ELSPBP1: variants seen among roughly 807,000 people sequenced by gnomAD.
The protein encoded by ELSPBP1 is epididymal sperm binding protein 1, also known as epididymal sperm-binding protein 1.
A neutral mutation model predicts 33.3 loss-of-function variants in ELSPBP1; 38 were observed. The observed-to-expected ratio is 1.14, with a 90% CI of 0.88 to 1.50. The LOEUF (loss-of-function observed/expected upper bound fraction) is 1.50, where lower values mean the gene tolerates loss of function less well. Ranked by LOEUF, ELSPBP1 falls within the 40% of genes most tolerant of loss-of-function variation. The pLI, the probability that ELSPBP1 is intolerant of heterozygous loss-of-function variation, is 0.00. For missense variants in ELSPBP1, 267 were observed against 263.5 expected (o/e 1.01, Z -0.09); for synonymous variants, 85 against 94.1 (o/e 0.90, Z 0.56).
chr19:48,009,759 C>G (rs925102901), intron 2 of ELSPBP1, among the ~76,000 whole-genome samples: 1 of 151,980 alleles, frequency 6.6e-6, no homozygotes, highest in East Asian at 1.9e-4. Context: ...CAAACAAAAT[C>G]CAAACTATCA....
intron 3 of ELSPBP1, among the ~76,000 whole-genome samples, chr19:48,015,020 C>T (rs1967116792): frequency 6.6e-6 from 1 of 151,554 alleles, no homozygotes. Flanking sequence ...CAAAACTTAA[C>T]TACTAATAGC....
intron 6 of ELSPBP1, among the ~76,000 whole-genome samples, chr19:48,024,540 G>A (rs991928283): frequency 1.3e-5 from 2 of 152,018 alleles, no homozygotes; most frequent in Non-Finnish European, 2.9e-5. Context: ...ATTTTGCCTT[G>A]GTAATGAAAA....
At chr19:48,010,160 A>T (rs1967062561) in intron 2 of ELSPBP1, among the ~76,000 whole-genome samples, 1 of 152,212 alleles carries the variant, frequency 6.6e-6, no homozygotes, top group South Asian at 2.1e-4. Flanking sequence ...ACACACAGCC[A>T]TCTCAACCAT....
chr19:48,004,805 C>T (rs1450072377), intron 1 of ELSPBP1, among the ~76,000 whole-genome samples: 1 of 152,244 alleles, frequency 6.6e-6, no homozygotes, highest in African/African-American at 2.4e-5. Flanking sequence ...CCTATGCCTG[C>T]TTTACCCACT....
chr19:48,024,603 A>T (rs1198229287), intron 6 of ELSPBP1, among the ~76,000 whole-genome samples: 2 of 152,186 alleles, frequency 1.3e-5, no homozygotes, highest in Non-Finnish European at 2.9e-5. Context: ...AACTCTGGGC[A>T]CCATCTTAAC....
At chr19:48,022,355 T>G in intron 6 of ELSPBP1, 21 bp downstream of exon 6, 1 of 1,581,654 alleles carries the variant, frequency 6.3e-7, no homozygotes, top group South Asian at 1.2e-5. Flanking sequence ...GGACCAACAG[T>G]GGTCATTTCA....
intron 2 of ELSPBP1, among the ~76,000 whole-genome samples, chr19:48,008,981 C>A (rs150517997): frequency 6.6e-6 from 1 of 151,804 alleles, no homozygotes; most frequent in Non-Finnish European, 1.5e-5. Context: ...ACTAAAAATA[C>A]AAAAATTAGC....
chr19:48,021,705 C>T (rs1031173292), intron 5 of ELSPBP1, among the ~76,000 whole-genome samples: 1 of 152,246 alleles, frequency 6.6e-6, no homozygotes, highest in East Asian at 1.9e-4. Flanking sequence ...CTGCCTCAGC[C>T]TCCCAAAGTG....
intron 1 of ELSPBP1, among the ~76,000 whole-genome samples, chr19:48,001,746 T>A (rs1568403198): frequency 1.3e-5 from 2 of 151,104 alleles, no homozygotes; most frequent in Non-Finnish European, 2.9e-5. Flanking sequence ...TAGATAGGGG[T>A]CTCACTGTGT....
chr19:48,007,533 C>G (rs918479588), intron 1 of ELSPBP1, among the ~76,000 whole-genome samples: 7 of 152,162 alleles, frequency 4.6e-5, no homozygotes, highest in African/African-American at 1.7e-4. Flanking sequence ...AAGTCAAATC[C>G]AGACCACCAA....
At chr19:48,012,709 G>A (rs757761474) in intron 2 of ELSPBP1, among the ~76,000 whole-genome samples, 11 of 152,210 alleles carry the variant, frequency 7.2e-5, no homozygotes, top group Non-Finnish European at 1.3e-4. Context: ...TAAGGACGTC[G>A]AAAGTTGTCC....
In ELSPBP1 at chr19:48,015,894, T is replaced by C; in HGVS notation, c.210T>C (p.Asp70=). The change falls in exon 4 of 7, where the codon GAT becomes GAC. Residue 70 remains aspartate (D), a splice_region_variant and synonymous_variant. Transcript: ENST00000339841. ...NGQWKYCQSE[D]YPRCIFPFIY... ...ACTCACGAACTCTGTTCCTAACAGA[T>C]TACCCACGCTGTATCTTCCCTTTCA... 6.2e-7 allele frequency: 1 copy of C among 1,606,002 alleles called. No homozygotes were observed. Among genetic ancestry groups the C allele is most frequent in the Non-Finnish European group, 8.5e-7 (1 of 1,173,410 alleles).
At chr19:48,001,784 C>T (rs368244326) in intron 1 of ELSPBP1, among the ~76,000 whole-genome samples, 3 of 151,410 alleles carry the variant, frequency 2.0e-5, no homozygotes, top group African/African-American at 7.3e-5. Flanking sequence ...ACCTCCTGGG[C>T]TCAACCAGTC....
chr19:48,024,476 T>C (rs939081865), intron 6 of ELSPBP1, among the ~76,000 whole-genome samples: 1 of 152,162 alleles, frequency 6.6e-6, no homozygotes, highest in African/African-American at 2.4e-5. Context: ...GCAATGTCTG[T>C]CCTTACAATG....
chr19:48,015,790 C>A, intron 3 of ELSPBP1, 103 bp from the exon 4 acceptor site: 2 of 1,102,642 alleles, frequency 1.8e-6, no homozygotes, highest in Non-Finnish European at 2.6e-6. Context: ...TCTTCTGAAC[C>A]TTATGTCTGT....
intron 1 of ELSPBP1, among the ~76,000 whole-genome samples, chr19:48,005,969 T>G (rs1339531729): frequency 6.6e-6 from 1 of 152,070 alleles, no homozygotes; most frequent in Non-Finnish European, 1.5e-5. Context: ...TTTGTTTTGT[T>G]TTGTGTTTTG....
At chr19:48,004,503 C>A (rs1392660492) in intron 1 of ELSPBP1, among the ~76,000 whole-genome samples, 1 of 152,128 alleles carries the variant, frequency 6.6e-6, no homozygotes, top group Non-Finnish European at 1.5e-5. Context: ...GCACATCTAG[C>A]TTTTTCCATC....
intron 1 of ELSPBP1, among the ~76,000 whole-genome samples, chr19:48,005,813 G>A (rs1967011945): frequency 6.6e-6 from 1 of 152,200 alleles, no homozygotes; most frequent in African/African-American, 2.4e-5. Context: ...TGCATGATCT[G>A]TAACCCTCAG....
chr19:48,019,296 T>C (rs73567215), intron 4 of ELSPBP1, among the ~76,000 whole-genome samples: 14,283 of 152,194 alleles, frequency 0.094, 824 homozygotes, highest in African/African-American at 0.17. Context: ...TTAGGATTGG[T>C]GTTCACAGCA....
Sources: allele counts gnomAD v4.1 joint callset (sites outside exome capture counted in the v4.1 genomes callset), GRCh38; gene constraint gnomAD v4.1.1; transcripts MANE v1.5; gene names NCBI Gene and HGNC (gene_info 2026-07-23, HGNC 2026-07-21).